The following SYNDIG1 variants were observed in gnomAD, a reference collection of about 807,000 sequenced individuals.
SYNDIG1 encodes the protein synapse differentiation-inducing gene protein 1.
In SYNDIG1, 9 loss-of-function variants were observed where a neutral mutation model predicts 19.4. The observed-to-expected ratio is 0.46, with a 90% confidence interval of 0.28 to 0.81. SYNDIG1 has a LOEUF of 0.81. Ranked by LOEUF, SYNDIG1 falls within the 30% of genes least tolerant of loss-of-function variation. The pLI, the probability that SYNDIG1 is intolerant of heterozygous loss-of-function variation, is 0.12. For missense variants in SYNDIG1, 311 were observed against 343.3 expected (o/e 0.91, Z 0.74); for synonymous variants, 141 against 145.9 (o/e 0.97, Z 0.24).
At chr20:24,609,824 A>T (rs189118639) in intron 3 of SYNDIG1, among the ~76,000 whole-genome samples, 2 of 152,250 alleles carry the variant, frequency 1.3e-5, no homozygotes, top group East Asian at 3.9e-4. Flanking sequence ...TCTGGACAGT[A>T]TCACCCCTCA....
At chr20:24,538,196 C>T (rs1230345442) in intron 1 of SYNDIG1, among the ~76,000 whole-genome samples, 2 of 152,072 alleles carry the variant, frequency 1.3e-5, no homozygotes, top group South Asian at 2.1e-4. Flanking sequence ...GTAACCATCA[C>T]CACCATCTAT....
At chr20:24,577,020 CA>C (rs3082225) in intron 2 of SYNDIG1, among the ~76,000 whole-genome samples, 9,812 of 148,436 alleles carry the variant, frequency 0.066, 894 homozygotes, top group African/African-American at 0.21. Context: ...CCTCTTTCTA[CA>C]AAAAAAAAAC....
intron 3 of SYNDIG1, among the ~76,000 whole-genome samples, chr20:24,629,681 C>T (rs1025195423): frequency 6.6e-6 from 1 of 152,150 alleles, no homozygotes; most frequent in Non-Finnish European, 1.5e-5. Context: ...GGGGCCCTTC[C>T]ACATGTTTAT....
At chr20:24,627,361 T>C (rs74560267) in intron 3 of SYNDIG1, among the ~76,000 whole-genome samples, 1,940 of 152,280 alleles carry the variant, frequency 0.013, 43 homozygotes, top group African/African-American at 0.043. Flanking sequence ...TTCTCAGTCT[T>C]ATCTACCTAA....
chr20:24,655,746 A>G (rs1232835752), intron 3 of SYNDIG1, among the ~76,000 whole-genome samples: 1 of 149,622 alleles, frequency 6.7e-6, no homozygotes, highest in Non-Finnish European at 1.5e-5. Flanking sequence ...TAGCTATATG[A>G]CCTAGCAGAA....
intron 3 of SYNDIG1, among the ~76,000 whole-genome samples, chr20:24,603,076 C>A (rs990382794): frequency 6.6e-6 from 1 of 152,114 alleles, no homozygotes; most frequent in African/African-American, 2.4e-5. Context: ...TATTTAAATG[C>A]TACAAAGAGC....
At chr20:24,534,651 C>T (rs115583469) in intron 1 of SYNDIG1, among the ~76,000 whole-genome samples, 3,684 of 152,254 alleles carry the variant, frequency 0.024, 136 homozygotes, top group African/African-American at 0.081. Context: ...TACACGTTGG[C>T]GCTCATTCAA....
intron 2 of SYNDIG1, among the ~76,000 whole-genome samples, chr20:24,554,017 T>C (rs2057761674): frequency 6.6e-6 from 1 of 152,232 alleles, no homozygotes; most frequent in South Asian, 2.1e-4. Context: ...CTTGAAGAGG[T>C]CCTTCACATG....
At chr20:24,476,168 C>T (rs914101655) in intron 1 of SYNDIG1, among the ~76,000 whole-genome samples, 2 of 152,098 alleles carry the variant, frequency 1.3e-5, no homozygotes, top group Non-Finnish European at 2.9e-5. Context: ...GCCTAATGTG[C>T]ATAGTATCTT....
At chr20:24,570,661 G>A (rs955326766) in intron 2 of SYNDIG1, among the ~76,000 whole-genome samples, 3 of 152,274 alleles carry the variant, frequency 2.0e-5, no homozygotes, top group Non-Finnish European at 4.4e-5. Context: ...CTAGGTACTG[G>A]CAGGGATGCA....
intron 1 of SYNDIG1, among the ~76,000 whole-genome samples, chr20:24,494,306 G>T (rs1253084017): frequency 6.6e-6 from 1 of 152,218 alleles, no homozygotes; most frequent in Non-Finnish European, 1.5e-5. Flanking sequence ...GGCATGAGCA[G>T]GGAGGAATGC....
In SYNDIG1 at chr20:24,560,063, C is replaced by CTTTTTTTTTTTTTTTTTTTTTT. The variant is rs60892856; in HGVS notation, c.480+16493_480+16514dup. Among the ~76,000 whole-genome samples, 2 of 43,062 alleles carry CTTTTTTTTTTTTTTTTTTTTTT rather than the reference C, an allele frequency of 4.6e-5. 1 individual carries two copies. The highest frequency in any genetic ancestry group is 7.4e-5 in the Non-Finnish European group (2 of 27,162). 28.3% of individuals were successfully genotyped at this position (43,062 alleles called of 152,430 possible). A position where few individuals can be genotyped will look rare whatever the true frequency, so the allele number is the denominator to read the frequency against. The stretch of plus-strand genomic sequence containing the variant: ...TTTTTTTTAACATTTCTCTCCTCTC[C>CTTTTTTTTTTTTTTTTTTTTTT]TTTTTTTTTTTTTTTTTTTTTTTTT... On this transcript the variant is annotated intron_variant, in intron 2 of 3. Transcript: ENST00000376862.
intron 1 of SYNDIG1, among the ~76,000 whole-genome samples, chr20:24,506,778 C>T (rs1274386619): frequency 6.6e-6 from 1 of 152,108 alleles, no homozygotes; most frequent in Non-Finnish European, 1.5e-5. Flanking sequence ...TATTGTGGTC[C>T]CAGGCAGTCC....
chr20:24,619,576 C>A (rs2059005493), intron 3 of SYNDIG1, among the ~76,000 whole-genome samples: 1 of 152,224 alleles, frequency 6.6e-6, no homozygotes, highest in African/African-American at 2.4e-5. Context: ...TAAACAAGAG[C>A]ATGCATTTGC....
At chr20:24,516,317 C>A (rs2056863323) in intron 1 of SYNDIG1, among the ~76,000 whole-genome samples, 1 of 152,216 alleles carries the variant, frequency 6.6e-6, no homozygotes, top group African/African-American at 2.4e-5. Context: ...GCAACAAAAG[C>A]CAAAATTGAC....
At chr20:24,578,358 G>T (rs1393822713) in intron 2 of SYNDIG1, among the ~76,000 whole-genome samples, 1 of 151,524 alleles carries the variant, frequency 6.6e-6, no homozygotes, top group African/African-American at 2.4e-5. Context: ...CAGGAGAATT[G>T]CTTGAACCCG....
At chr20:24,643,036 T>C (rs2059393448) in intron 3 of SYNDIG1, among the ~76,000 whole-genome samples, 1 of 152,236 alleles carries the variant, frequency 6.6e-6, no homozygotes, top group Non-Finnish European at 1.5e-5. Flanking sequence ...TTTCTACTTG[T>C]TTAAATATGT....
At chr20:24,641,711 G>T (rs1182524748) in intron 3 of SYNDIG1, among the ~76,000 whole-genome samples, 2 of 152,098 alleles carry the variant, frequency 1.3e-5, no homozygotes, top group Non-Finnish European at 2.9e-5. Flanking sequence ...GCTGTGCCCT[G>T]CCCACCTCGC....
chr20:24,596,993 C>G (rs111901178), intron 3 of SYNDIG1: 2 of 152,212 alleles, frequency 1.3e-5, no homozygotes, highest in Non-Finnish European at 2.9e-5. Flanking sequence ...GCTGGTGGGA[C>G]GCAAAGAGGC....
Sources: gnomAD v4.1 joint callset for allele counts (sites outside exome capture counted in the v4.1 genomes callset) on GRCh38, gnomAD v4.1.1 for gene constraint, MANE v1.5 for transcripts, NCBI Gene and HGNC (gene_info 2026-07-23, HGNC 2026-07-21) for gene names.